The following PDCD6IP variants were observed in gnomAD, a reference collection of about 807,000 sequenced individuals.
The protein encoded by PDCD6IP is programmed cell death 6 interacting protein.
In PDCD6IP, 43 loss-of-function variants were observed where a neutral mutation model predicts 103.7. The ratio of observed to expected loss-of-function variants is 0.41; its 90% CI spans 0.32 to 0.53. PDCD6IP has a LOEUF of 0.53. PDCD6IP is among the 20% of genes least tolerant of loss of function. The pLI, the probability that PDCD6IP is intolerant of heterozygous loss-of-function variation, is 0.16. For missense variants in PDCD6IP, 871 were observed against 1,036.7 expected (o/e 0.84, Z 2.20); for synonymous variants, 354 against 378.7 (o/e 0.93, Z 0.76).
At chr3:33,828,374 A>G (rs1026262494) in intron 6 of PDCD6IP, 1 of 152,100 alleles carries the variant, frequency 6.6e-6, no homozygotes, top group African/African-American at 2.4e-5. Flanking sequence ...CTTTTTTTTA[A>G]AACATGATGA....
At chr3:33,813,109 A>G (rs1696755362) in intron 2 of PDCD6IP, among the ~76,000 whole-genome samples, 1 of 152,330 alleles carries the variant, frequency 6.6e-6, no homozygotes, top group African/African-American at 2.4e-5. Context: ...ATATGTCTGT[A>G]TAACCACCAC....
At chr3:33,834,113 A>G (rs182272374) in intron 7 of PDCD6IP, among the ~76,000 whole-genome samples, 1 of 151,918 alleles carries the variant, frequency 6.6e-6, no homozygotes, top group East Asian at 1.9e-4. Flanking sequence ...TGCTCCCCCT[A>G]GCAACCCTGT....
intron 3 of PDCD6IP, among the ~76,000 whole-genome samples, chr3:33,817,086 A>G (rs918078226): frequency 2.6e-5 from 4 of 152,188 alleles, no homozygotes; most frequent in Admixed American, 6.5e-5. Flanking sequence ...AAAAATGCAT[A>G]TATGTATTTG....
intron 12 of PDCD6IP, among the ~76,000 whole-genome samples, chr3:33,849,979 T>C (rs1297644307): frequency 1.3e-5 from 2 of 152,226 alleles, no homozygotes; most frequent in African/African-American, 4.8e-5. Context: ...TATCACAGAA[T>C]TTGTTAACTA....
At position 33,867,136 on chromosome 3, in the gene PDCD6IP, TCA is replaced by T. The variant is rs1312181659; in HGVS notation, c.*612_*613del. On this transcript the variant is annotated 3_prime_UTR_variant, in exon 18 of 18. Coordinates refer to ENST00000307296, the MANE Select transcript of PDCD6IP (RefSeq NM_013374.6). ...AGTGCATGAATAGTACAAGTTATTA[TCA>T]AGGATGTTTTACAGGGAAATCAAAA... 1 of 152,204 alleles carries T rather than the reference TCA, an allele frequency of 6.6e-6. No homozygotes were observed. The highest frequency in any genetic ancestry group is 2.4e-5 in the African/African-American group (1 of 41,462). The allele number at this position is 152,204 out of a possible 1,614,324, so 9.4% of individuals were successfully genotyped here. A position where few individuals can be genotyped will look rare whatever the true frequency, so the allele number is the denominator to read the frequency against.
chr3:33,858,464 C>G (rs1013760754), intron 15 of PDCD6IP, among the ~76,000 whole-genome samples: 4 of 152,126 alleles, frequency 2.6e-5, no homozygotes, highest in Non-Finnish European at 5.9e-5. Flanking sequence ...CCACTGTACT[C>G]CAGTCTGGGC....
intron 3 of PDCD6IP, among the ~76,000 whole-genome samples, chr3:33,818,669 C>G (rs1436458796): frequency 6.6e-6 from 1 of 151,846 alleles, no homozygotes. Flanking sequence ...CAGGTGTGCG[C>G]CACCACGTCC....
intron 15 of PDCD6IP, among the ~76,000 whole-genome samples, chr3:33,855,734 G>A (rs1421342854): frequency 6.6e-6 from 1 of 152,194 alleles, no homozygotes; most frequent in Non-Finnish European, 1.5e-5. Flanking sequence ...GCACAGTGCT[G>A]ATAAAAGGTG....
intron 15 of PDCD6IP, among the ~76,000 whole-genome samples, chr3:33,860,348 A>G (rs71325167): frequency 7.2e-5 from 11 of 152,226 alleles, no homozygotes; most frequent in Non-Finnish European, 1.5e-4. Flanking sequence ...TTATTTTGTT[A>G]AAGTCGTTGT....
At chr3:33,838,159 G>T (rs752186220) in intron 8 of PDCD6IP, 45 bp from the exon 9 acceptor site, 159 of 1,583,554 alleles carry the variant, frequency 1.0e-4, no homozygotes, top group Non-Finnish European at 1.3e-4. Context: ...TACAGTTCGG[G>T]TTTTTGTCTA....
At chr3:33,835,946 T>C (rs1246627851) in intron 7 of PDCD6IP, 98 bp from the exon 8 acceptor site, 2 of 532,226 alleles carry the variant, frequency 3.8e-6, no homozygotes, top group Middle Eastern at 5.2e-4. Context: ...AGATTAAAGA[T>C]TTTTTTTTTG....
chr3:33,866,677 C>A lies in PDCD6IP; in HGVS notation c.*152C>A. On this transcript the variant is annotated 3_prime_UTR_variant, in exon 18 of 18. Transcript: ENST00000307296. ...TTTCTGTCTACAGCTAGAAGCTGTG[C>A]CCCAGTTCCACATTTGATTACACAT... The A allele has an allele frequency of 4.0e-6, 2 of 503,598 alleles. No homozygotes were observed. Among genetic ancestry groups the A allele is most frequent in the Non-Finnish European group, 3.3e-6 (1 of 304,834 alleles). 31.2% of individuals were successfully genotyped at this position (503,598 alleles called of 1,614,324 possible). A position where few individuals can be genotyped will look rare whatever the true frequency, so the allele number is the denominator to read the frequency against.
intron 1 of PDCD6IP, among the ~76,000 whole-genome samples, chr3:33,802,125 C>T (rs1696488550): frequency 2.0e-5 from 3 of 152,256 alleles, no homozygotes; most frequent in Admixed American, 1.3e-4. Flanking sequence ...GGCTCAGATT[C>T]CTTTCAGCTT....
chr3:33,813,513 ATTC>A, intron 2 of PDCD6IP, 43 bp from the exon 3 acceptor site: 1 of 1,166,110 alleles, frequency 8.6e-7, no homozygotes, highest in Non-Finnish European at 1.3e-6. Context: ...ATTTAATGAG[ATTC>A]AGGAAGGTTA....
chr3:33,836,319 G>GT (rs1287880561), intron 8 of PDCD6IP, 53 bp downstream of exon 8: 2 of 995,724 alleles, frequency 2.0e-6, no homozygotes, highest in Admixed American at 2.1e-5. Context: ...AGTTTACTCT[G>GT]TTTTTCCTAG....
intron 15 of PDCD6IP, among the ~76,000 whole-genome samples, chr3:33,857,362 G>A (rs2125448742): frequency 6.6e-6 from 1 of 152,154 alleles, no homozygotes; most frequent in Non-Finnish European, 1.5e-5. Context: ...TGTATTTTTA[G>A]TAGAGACAGG....
At chr3:33,821,669 T>C (rs1696994587) in intron 3 of PDCD6IP, among the ~76,000 whole-genome samples, 1 of 152,182 alleles carries the variant, frequency 6.6e-6, no homozygotes, top group Non-Finnish European at 1.5e-5. Flanking sequence ...TGAAAATGAC[T>C]TTTACATTTG....
intron 1 of PDCD6IP, among the ~76,000 whole-genome samples, chr3:33,805,291 G>A (rs548757224): frequency 1.3e-5 from 2 of 149,872 alleles, no homozygotes; most frequent in African/African-American, 4.9e-5. Flanking sequence ...GAAGGTGGAG[G>A]TTGCAGTGAG....
At chr3:33,865,800 T>C (rs899603560) in intron 17 of PDCD6IP, among the ~76,000 whole-genome samples, 13 of 152,180 alleles carry the variant, frequency 8.5e-5, no homozygotes, top group African/African-American at 1.2e-4. Flanking sequence ...ATACTTGGCA[T>C]TTAATAAACA....
Sources: allele counts gnomAD v4.1 joint callset (sites outside exome capture counted in the v4.1 genomes callset), GRCh38; gene constraint gnomAD v4.1.1; transcripts MANE v1.5; gene names NCBI Gene and HGNC (gene_info 2026-07-23, HGNC 2026-07-21).